The following ADAMTS12 variants were observed in gnomAD, a reference collection of about 807,000 sequenced individuals.
ADAMTS12 encodes A disintegrin and metalloproteinase with thrombospondin motifs 12.
A neutral mutation model predicts 167.8 loss-of-function variants in ADAMTS12; 118 were observed. That is an observed-to-expected ratio of 0.70 (90% CI 0.61 to 0.82). ADAMTS12 has a LOEUF of 0.82. Ranked by LOEUF, ADAMTS12 falls within the 40% of genes least tolerant of loss-of-function variation. The pLI, the probability that ADAMTS12 is intolerant of heterozygous loss-of-function variation, is 0.00. For missense variants in ADAMTS12, 1,916 were observed against 1,998.8 expected (o/e 0.96, Z 0.79); for synonymous variants, 704 against 716.9 (o/e 0.98, Z 0.29).
intron 9 of ADAMTS12, among the ~76,000 whole-genome samples, chr5:33,644,237 C>A (rs1392320815): frequency 1.3e-5 from 2 of 152,166 alleles, no homozygotes; most frequent in Non-Finnish European, 2.9e-5. Context: ...CCTTTTGGAA[C>A]CCGTAATTGT....
chr5:33,655,410 ACT>A (rs1446753999), intron 7 of ADAMTS12, among the ~76,000 whole-genome samples: 2 of 152,040 alleles, frequency 1.3e-5, no homozygotes, highest in Non-Finnish European at 2.9e-5. Flanking sequence ...GGGTAGGGTA[ACT>A]CTGAAACGTG....
At chr5:33,603,974 G>A (rs184214033) in intron 16 of ADAMTS12, among the ~76,000 whole-genome samples, 7 of 152,288 alleles carry the variant, frequency 4.6e-5, no homozygotes, top group East Asian at 3.8e-4. Context: ...GGCCTTGTTA[G>A]TGTCTTACTA....
intron 16 of ADAMTS12, chr5:33,603,767 C>T (rs1476053214): frequency 7.4e-6 from 1 of 136,002 alleles, no homozygotes; most frequent in Non-Finnish European, 1.6e-5. Flanking sequence ...AATAAGAAAA[C>T]AACATCTTAG....
At position 33,534,905 on chromosome 5, in the gene ADAMTS12, A is replaced by T; in HGVS notation, c.4534T>A (p.Cys1512Ser). Residue 1512 changes from cysteine (C) to serine (S), a missense_variant, in exon 23 of 24, where the codon TGT becomes AGT. Transcript: ENST00000504830. The stretch of plus-strand genomic sequence containing the variant: ...GGTCTGGGTTTGTGATCACATAGAC[A>T]TTGGTCTTGGTCTTCAGTTTTATTG... ...EGNKTEDQDQCLCDHKPRPPE... is the reference protein window; with the variant it reads ...EGNKTEDQDQSLCDHKPRPPE... 21 of 1,614,080 alleles carry T rather than the reference A, an allele frequency of 1.3e-5. No individual in the cohort carries two copies. The highest frequency in any genetic ancestry group is 2.2e-5 in the East Asian group (1 of 44,864).
At chr5:33,784,594 G>A (rs948407346) in intron 2 of ADAMTS12, among the ~76,000 whole-genome samples, 1 of 151,804 alleles carries the variant, frequency 6.6e-6, no homozygotes, top group Non-Finnish European at 1.5e-5. Flanking sequence ...TCATTTCCAA[G>A]ATAATCAGAA....
At chr5:33,795,482 A>T (rs2112464201) in intron 2 of ADAMTS12, among the ~76,000 whole-genome samples, 1 of 152,356 alleles carries the variant, frequency 6.6e-6, no homozygotes, top group East Asian at 1.9e-4. Context: ...AAAAAATTTT[A>T]AATCGAAAAA....
intron 2 of ADAMTS12, among the ~76,000 whole-genome samples, chr5:33,812,504 C>G (rs186268143): frequency 1.6e-4 from 25 of 152,320 alleles, no homozygotes; most frequent in African/African-American, 6.0e-4. Flanking sequence ...AACAGAGAAG[C>G]TTCCTTCACA....
intron 3 of ADAMTS12, among the ~76,000 whole-genome samples, chr5:33,730,853 G>C (rs533951712): frequency 7.2e-5 from 11 of 152,276 alleles, no homozygotes; most frequent in African/African-American, 2.6e-4. Context: ...CCCAATTATT[G>C]TCCTGAAGTT....
At chr5:33,809,097 T>A (rs763661464) in intron 2 of ADAMTS12, among the ~76,000 whole-genome samples, 5 of 152,236 alleles carry the variant, frequency 3.3e-5, no homozygotes, top group Non-Finnish European at 5.9e-5. Context: ...GTTCTTTGCT[T>A]GAAATTGTTT....
chr5:33,839,272 T>C lies in ADAMTS12; in HGVS notation c.489+41847A>G, dbSNP rs529879686. ...CTATGTTATAAGATTCTAGTAAGCT[T>C]TGGCAATATAAGCTGTGTGTGCTAT... On this transcript the variant is annotated intron_variant, in intron 2 of 23. Transcript: ENST00000504830. Among the ~76,000 whole-genome samples, 24 of 152,350 alleles carry C rather than the reference T, an allele frequency of 1.6e-4. No individual in the cohort carries two copies. In the East Asian group the frequency reaches 3.7e-3, roughly 23 times the overall value.
At chr5:33,689,312 G>A (rs1164456633) in intron 3 of ADAMTS12, among the ~76,000 whole-genome samples, 1 of 152,030 alleles carries the variant, frequency 6.6e-6, no homozygotes, top group Non-Finnish European at 1.5e-5. Context: ...AGCTGGTTTA[G>A]TGTGAATCTT....
chr5:33,559,794 C>T (rs1199577036), intron 20 of ADAMTS12, among the ~76,000 whole-genome samples: 6 of 152,090 alleles, frequency 3.9e-5, no homozygotes, highest in Non-Finnish European at 5.9e-5. Context: ...GCACGAGAAT[C>T]GCTTGAACCC....
chr5:33,725,883 C>T (rs1467853614), intron 3 of ADAMTS12, among the ~76,000 whole-genome samples: 1 of 152,308 alleles, frequency 6.6e-6, no homozygotes, highest in East Asian at 1.9e-4. Flanking sequence ...GGGGACAACA[C>T]TCAAAAATCT....
chr5:33,553,706 C>T (rs1561121549), intron 20 of ADAMTS12, among the ~76,000 whole-genome samples: 1 of 152,060 alleles, frequency 6.6e-6, no homozygotes, highest in Non-Finnish European at 1.5e-5. Context: ...CACACTGGGG[C>T]CTAACAGAGG....
At chr5:33,832,155 T>C (rs1748325786) in intron 2 of ADAMTS12, among the ~76,000 whole-genome samples, 2 of 152,210 alleles carry the variant, frequency 1.3e-5, no homozygotes, top group Non-Finnish European at 2.9e-5. Flanking sequence ...GTATCTGCAG[T>C]TTGATTTCCA....
At chr5:33,888,702 G>A (rs1474440367) in intron 1 of ADAMTS12, among the ~76,000 whole-genome samples, 3 of 152,168 alleles carry the variant, frequency 2.0e-5, no homozygotes, top group East Asian at 3.9e-4. Flanking sequence ...ACAGACTGGC[G>A]CTTTGTAAAC....
At chr5:33,643,336 G>A in intron 10 of ADAMTS12, 42 bp downstream of exon 10, 2 of 1,602,762 alleles carry the variant, frequency 1.2e-6, no homozygotes, top group Non-Finnish European at 1.7e-6. Flanking sequence ...CAAGAACTCT[G>A]CCCACCGCCC....
chr5:33,604,464 G>A (rs1738334814), intron 16 of ADAMTS12, among the ~76,000 whole-genome samples: 1 of 150,662 alleles, frequency 6.6e-6, no homozygotes, highest in South Asian at 2.1e-4. Flanking sequence ...TTACGCCACT[G>A]CACTCTAGCT....
intron 3 of ADAMTS12, among the ~76,000 whole-genome samples, chr5:33,691,265 T>G (rs1742538096): frequency 6.6e-6 from 1 of 152,210 alleles, no homozygotes; most frequent in Non-Finnish European, 1.5e-5. Context: ...TACAAAGCTT[T>G]CTAGACAATG....
Sources: allele counts gnomAD v4.1 joint callset (sites outside exome capture counted in the v4.1 genomes callset), GRCh38; gene constraint gnomAD v4.1.1; transcripts MANE v1.5; gene names NCBI Gene and HGNC (gene_info 2026-07-23, HGNC 2026-07-21).